RSRC1: variants seen among roughly 807,000 people sequenced by gnomAD.
RSRC1 encodes the protein arginine and serine rich coiled-coil 1.
In RSRC1, 39 loss-of-function variants were observed where a neutral mutation model predicts 49.1. The observed-to-expected ratio is 0.79, with a 90% CI of 0.61 to 1.04. The LOEUF is 1.04. Ranked by LOEUF, RSRC1 falls within the 50% of genes least tolerant of loss-of-function variation. RSRC1 has a pLI of 0.00. For missense variants in RSRC1, 388 were observed against 402.4 expected (o/e 0.96, Z 0.31); for synonymous variants, 143 against 130.8 (o/e 1.09, Z -0.63).
chr3:158,332,773 A>G (rs564300325), intron 5 of RSRC1, among the ~76,000 whole-genome samples: 1 of 147,106 alleles, frequency 6.8e-6, no homozygotes, highest in East Asian at 2.0e-4. Flanking sequence ...CTATGATAGC[A>G]TATTATTTTG....
intron 6 of RSRC1, among the ~76,000 whole-genome samples, chr3:158,410,053 C>T (rs933415003): frequency 3.3e-5 from 5 of 152,104 alleles, no homozygotes; most frequent in African/African-American, 9.7e-5. Flanking sequence ...TAGTCTCATA[C>T]ATTCAAACAA....
At chr3:158,328,493 A>G (rs1243563283) in intron 5 of RSRC1, among the ~76,000 whole-genome samples, 4 of 152,078 alleles carry the variant, frequency 2.6e-5, no homozygotes, top group Non-Finnish European at 5.9e-5. Flanking sequence ...TCACTTATGA[A>G]GCTTATTTTG....
chr3:158,123,359 G>A (rs554075050), intron 2 of RSRC1, among the ~76,000 whole-genome samples: 1 of 152,228 alleles, frequency 6.6e-6, no homozygotes, highest in East Asian at 1.9e-4. Flanking sequence ...TCAGGCGGGA[G>A]TGCAGCGGTG....
At chr3:158,150,460 T>G (rs1403823614) in intron 3 of RSRC1, among the ~76,000 whole-genome samples, 1 of 152,196 alleles carries the variant, frequency 6.6e-6, no homozygotes, top group African/African-American at 2.4e-5. Flanking sequence ...TATAAGAAAT[T>G]GAAATGTTCT....
intron 7 of RSRC1, among the ~76,000 whole-genome samples, chr3:158,503,242 C>G: frequency 6.6e-6 from 1 of 152,134 alleles, no homozygotes; most frequent in Non-Finnish European, 1.5e-5. Context: ...TGTAAATCAT[C>G]TATGGGTCCC....
intron 3 of RSRC1, among the ~76,000 whole-genome samples, chr3:158,188,951 A>T (rs1720074750): frequency 6.6e-6 from 1 of 151,702 alleles, no homozygotes; most frequent in African/African-American, 2.4e-5. Context: ...ATGTACACTT[A>T]TGGCCCTATA....
chr3:158,216,475 C>G (rs1479859727), intron 4 of RSRC1, among the ~76,000 whole-genome samples: 1 of 151,350 alleles, frequency 6.6e-6, no homozygotes, highest in Admixed American at 6.6e-5. Context: ...TATCTTCTTT[C>G]AGCTACTAGG....
At chr3:158,518,831 G>A (rs542674726) in intron 7 of RSRC1, among the ~76,000 whole-genome samples, 42 of 152,052 alleles carry the variant, frequency 2.8e-4, no homozygotes, top group Non-Finnish European at 4.7e-4. Flanking sequence ...TTCTACCAGC[G>A]TGACCATTCT....
chr3:158,522,975 T>C (rs562889664), intron 7 of RSRC1, among the ~76,000 whole-genome samples: 1 of 152,254 alleles, frequency 6.6e-6, no homozygotes, highest in South Asian at 2.1e-4. Context: ...ATTATGTCCT[T>C]ATGTGGCAAC....
intron 4 of RSRC1, among the ~76,000 whole-genome samples, chr3:158,229,321 T>C (rs1279516542): frequency 4.7e-5 from 7 of 149,366 alleles, no homozygotes; most frequent in Admixed American, 1.3e-4. Flanking sequence ...TATATAAACA[T>C]ACACAGGTAT....
At chr3:158,508,250 T>A (rs1739962571) in intron 7 of RSRC1, among the ~76,000 whole-genome samples, 1 of 152,142 alleles carries the variant, frequency 6.6e-6, no homozygotes, top group Non-Finnish European at 1.5e-5. Flanking sequence ...TGGCACCCAG[T>A]CACAAGACCA....
intron 7 of RSRC1, among the ~76,000 whole-genome samples, chr3:158,495,653 A>G (rs1739289122): frequency 6.6e-6 from 1 of 152,228 alleles, no homozygotes; most frequent in Non-Finnish European, 1.5e-5. Flanking sequence ...GTCACTCAGA[A>G]AACTTAAGTA....
At chr3:158,114,314 C>T (rs1184802783) in intron 1 of RSRC1, among the ~76,000 whole-genome samples, 3 of 151,956 alleles carry the variant, frequency 2.0e-5, no homozygotes, top group African/African-American at 4.8e-5. Flanking sequence ...TGTAGATGTG[C>T]GGTCTTATTT....
At chr3:158,250,475 T>C (rs1003971103) in intron 4 of RSRC1, among the ~76,000 whole-genome samples, 6 of 152,208 alleles carry the variant, frequency 3.9e-5, no homozygotes, top group African/African-American at 1.4e-4. Flanking sequence ...TCACCAGCAT[T>C]TGTTATTGTC....
intron 6 of RSRC1, among the ~76,000 whole-genome samples, chr3:158,459,214 T>A (rs1737494664): frequency 6.6e-6 from 1 of 151,946 alleles, no homozygotes; most frequent in Admixed American, 6.6e-5. Flanking sequence ...ATTTGCAGTT[T>A]AAAAAAAACA....
At chr3:158,273,972 G>A (rs1024596442) in intron 4 of RSRC1, among the ~76,000 whole-genome samples, 13 of 152,062 alleles carry the variant, frequency 8.5e-5, no homozygotes, top group African/African-American at 2.9e-4. Flanking sequence ...AGATTTAAGT[G>A]TTAAAAATTT....
intron 5 of RSRC1, among the ~76,000 whole-genome samples, chr3:158,320,165 T>G (rs1403828995): frequency 6.6e-6 from 1 of 152,184 alleles, no homozygotes; most frequent in Non-Finnish European, 1.5e-5. Context: ...TATTGCTCAC[T>G]CAAGGAATAA....
chr3:158,157,067 C>T lies in RSRC1; in HGVS notation c.320+33076C>T, dbSNP rs576619213. Among the ~76,000 whole-genome samples, 10 of 152,280 alleles carry T rather than the reference C, an allele frequency of 6.6e-5. No individual in the cohort carries two copies. The South Asian group carries it at 1.7e-3, about 25-fold the overall frequency. The stretch of plus-strand genomic sequence containing the variant: ...ATATGCCTGTACGTTATTTAGCAAA[C>T]AGCACTTTTAAAAAGGGTTAGATGT... On this transcript the variant is annotated intron_variant, in intron 3 of 9. Coordinates refer to ENST00000611884, the MANE Select transcript of RSRC1 (RefSeq NM_001271838.2).
At position 158,408,092 on chromosome 3, in the gene RSRC1, G is replaced by A. The variant is rs144233166; in HGVS notation, c.584-52843G>A. On this transcript the variant is annotated intron_variant, in intron 6 of 9. Coordinates refer to ENST00000611884, the MANE Select transcript of RSRC1 (RefSeq NM_001271838.2). The stretch of plus-strand genomic sequence containing the variant: ...GAGAGGTTGGGGTTGGTCAGGGAAT[G>A]ATATACAGTGTCCCAAGGAGCTTTT... 2.4e-3 allele frequency among the ~76,000 whole-genome samples: 359 copies of A among 152,274 alleles called. 3 individuals are homozygous for A. Among genetic ancestry groups the A allele is most frequent in the African/African-American group, 8.2e-3 (340 of 41,564 alleles).
Sources: gnomAD v4.1 joint callset for allele counts (sites outside exome capture counted in the v4.1 genomes callset) on GRCh38, gnomAD v4.1.1 for gene constraint, MANE v1.5 for transcripts, NCBI Gene and HGNC (gene_info 2026-07-23, HGNC 2026-07-21) for gene names.